Variants in CNR2 observed in about 807,000 individuals in gnomAD.
The protein encoded by CNR2 is cannabinoid receptor 2 (macrophage).
For synonymous variants in CNR2, 172 were observed against 182.2 expected (o/e 0.94, Z 0.45); for missense variants, 379 against 439.9 (o/e 0.86, Z 1.24).
At position 23,874,111 on chromosome 1, in the gene CNR2, G is replaced by A. The variant is rs992070816; in HGVS notation, c.*424C>T. On this transcript the variant is annotated 3_prime_UTR_variant, in exon 2 of 2. Coordinates refer to ENST00000374472, the MANE Select transcript of CNR2 (RefSeq NM_001841.3). ...AGAGCCAAGGAGGCCTTGACAATTA[G>A]GCAGAGAGAAGACCTGGATGTCCAT... 1 of 172,434 alleles carries A rather than the reference G, an allele frequency of 5.8e-6. No homozygotes were observed. The highest frequency in any genetic ancestry group is 1.3e-5 in the Non-Finnish European group (1 of 78,460). 10.7% of individuals were successfully genotyped at this position (172,434 alleles called of 1,614,324 possible). A position where few individuals can be genotyped will look rare whatever the true frequency, so the allele number is the denominator to read the frequency against.
intron 1 of CNR2, among the ~76,000 whole-genome samples, chr1:23,888,751 A>G (rs1640134676): frequency 6.6e-6 from 1 of 152,122 alleles, no homozygotes; most frequent in South Asian, 2.1e-4. Context: ...AGGGCAGATC[A>G]CTTGAGGTCA....
Position 23,874,473 on chromosome 1 carries a change from T to C in CNR2, c.*62A>G. 6.5e-7 allele frequency: 1 copy of C among 1,527,654 alleles called. No individual in the cohort carries two copies. The highest frequency in any genetic ancestry group is 1.9e-5 in the Admixed American group (1 of 51,510). The allele number at this position is 1,527,654 out of a possible 1,614,324, so 94.6% of individuals were successfully genotyped here. A position where few individuals can be genotyped will look rare whatever the true frequency, so the allele number is the denominator to read the frequency against. Reference sequence around the variant, plus strand: ...TAAGAAGAGAGTGCCAAGACCCCTCTCTCTCTTCCAGGGAGTGAACTGATT... The same window carrying C: ...TAAGAAGAGAGTGCCAAGACCCCTCCCTCTCTTCCAGGGAGTGAACTGATT... On this transcript the variant is annotated 3_prime_UTR_variant, in exon 2 of 2. Coordinates refer to ENST00000374472, the MANE Select transcript of CNR2 (RefSeq NM_001841.3).
intron 1 of CNR2, among the ~76,000 whole-genome samples, chr1:23,897,550 A>G (rs1031558186): frequency 6.6e-6 from 1 of 150,758 alleles, no homozygotes; most frequent in Non-Finnish European, 1.5e-5. Flanking sequence ...TCTCGGTTCA[A>G]TGCAAACTCT....
chr1:23,901,471 T>C, intron 1 of CNR2: 1 of 1,548,838 alleles, frequency 6.5e-7, no homozygotes, highest in Non-Finnish European at 8.7e-7. Flanking sequence ...CCCGGGCACC[T>C]CAGGCATAGA....
intron 1 of CNR2, among the ~76,000 whole-genome samples, chr1:23,906,085 T>C (rs1044393795): frequency 2.2e-4 from 33 of 148,778 alleles, no homozygotes; most frequent in African/African-American, 7.7e-4. Flanking sequence ...AAGGAGGAAA[T>C]AGGTAGACAG....
chr1:23,901,050 T>C (rs1032967177), intron 1 of CNR2, among the ~76,000 whole-genome samples: 6 of 150,020 alleles, frequency 4.0e-5, no homozygotes, highest in African/African-American at 1.5e-4. Flanking sequence ...CTTTTTTTAA[T>C]TGTAGGCAAC....
intron 1 of CNR2, among the ~76,000 whole-genome samples, chr1:23,899,660 C>A (rs1640348165): frequency 6.7e-6 from 1 of 148,494 alleles, no homozygotes; most frequent in Non-Finnish European, 1.5e-5. Context: ...ACTAAAAATA[C>A]AAAAGTTAGC....
At chr1:23,880,281 C>A (rs1462397047) in intron 1 of CNR2, among the ~76,000 whole-genome samples, 2 of 150,632 alleles carry the variant, frequency 1.3e-5, no homozygotes, top group Non-Finnish European at 2.9e-5. Flanking sequence ...AGGTTGAAGC[C>A]TTTCTCTTGC....
intron 1 of CNR2, among the ~76,000 whole-genome samples, chr1:23,909,154 T>C (rs1403919851): frequency 2.0e-5 from 3 of 152,088 alleles, no homozygotes; most frequent in African/African-American, 4.8e-5. Context: ...TGCTGGGGAA[T>C]CCTTCCCTCC....
At chr1:23,884,840 G>A (rs4498749) in intron 1 of CNR2, among the ~76,000 whole-genome samples, 109,974 of 151,038 alleles carry the variant, frequency 0.73, 40,720 homozygotes, top group Middle Eastern at 0.8. Flanking sequence ...TCACTCTGTC[G>A]CCCAGGCTGG....
At chr1:23,894,716 C>T (rs1204821299) in intron 1 of CNR2, among the ~76,000 whole-genome samples, 1 of 148,246 alleles carries the variant, frequency 6.7e-6, no homozygotes, top group Non-Finnish European at 1.5e-5. Context: ...CAGTGAGCCA[C>T]GATCCTGCCA....
At chr1:23,883,582 T>C (rs58748639) in intron 1 of CNR2, among the ~76,000 whole-genome samples, 2,327 of 152,292 alleles carry the variant, frequency 0.015, 78 homozygotes, top group African/African-American at 0.053. Flanking sequence ...CCTAGCACTT[T>C]GGGAGGCCGA....
At position 23,898,545 on chromosome 1, in the gene CNR2, G is replaced by T. The variant is rs1640329127; in HGVS notation, c.-46+14701C>A. On this transcript the variant is annotated intron_variant, in intron 1 of 1. Coordinates refer to ENST00000374472, the MANE Select transcript of CNR2 (RefSeq NM_001841.3). ...TTTAGTAGAGACGGGGTTTCACCGA[G>T]TTAACCAGGATGGTCTCGATCCCCT... 2.0e-5 allele frequency among the ~76,000 whole-genome samples: 3 copies of T among 147,036 alleles called. No homozygotes were observed. The South Asian group carries it at 6.5e-4, about 32-fold the overall frequency.
At chr1:23,892,088 A>G (rs991356396) in intron 1 of CNR2, among the ~76,000 whole-genome samples, 1 of 152,086 alleles carries the variant, frequency 6.6e-6, no homozygotes, top group Non-Finnish European at 1.5e-5. Flanking sequence ...TTCTCACCCT[A>G]GTGTTCCTGG....
Position 23,875,463 on chromosome 1 carries a change from A to T in CNR2, c.155T>A (p.Val52Glu). The T allele has an allele frequency of 6.2e-7, 1 of 1,614,210 alleles. No individual in the cohort carries two copies. Among genetic ancestry groups the T allele is most frequent in the Non-Finnish European group, 8.5e-7 (1 of 1,180,030 alleles). The change falls in exon 2 of 2, where the codon GTG (valine) becomes GAG (glutamate). Residue 52 changes from valine (V) to glutamate (E), a missense_variant. Transcript: ENST00000374472. The stretch of plus-strand genomic sequence containing the variant: ...GGACAGGATCAGATAGAGCACAGCC[A>T]CGTTCTCCAGGGCACTTAGCAGGCC... ...LLGLLSALEN[V>E]AVLYLILSSH... is the part of the protein sequence containing the mutation.
rs563404731 is a variant in CNR2, at chr1:23,890,669, C to T, written c.-45-15007G>A. ...CTGAGGCAAGAGAATTGCTTGAATCCGGGAGGCGAAGTTTGCAGTGAGCCG... is the reference window on the plus strand; with the variant it reads ...CTGAGGCAAGAGAATTGCTTGAATCTGGGAGGCGAAGTTTGCAGTGAGCCG... On this transcript the variant is annotated intron_variant, in intron 1 of 1. Transcript: ENST00000374472. 2.7e-4 allele frequency among the ~76,000 whole-genome samples: 41 copies of T among 151,434 alleles called. 1 individual carries two copies. Among genetic ancestry groups the T allele is most frequent in the Admixed American group, 7.2e-4 (11 of 15,218 alleles).
At chr1:23,885,651 AGGTG>A (rs1167688801) in intron 1 of CNR2, among the ~76,000 whole-genome samples, 4 of 151,618 alleles carry the variant, frequency 2.6e-5, no homozygotes, top group African/African-American at 9.7e-5. Flanking sequence ...AGGCTGAAGC[AGGTG>A]GATCACGAGA....
At chr1:23,880,093 C>T (rs781213389) in intron 1 of CNR2, among the ~76,000 whole-genome samples, 5 of 152,036 alleles carry the variant, frequency 3.3e-5, no homozygotes, top group Non-Finnish European at 5.9e-5. Context: ...CTTGCTCTCA[C>T]CTTGTTTAAG....
At chr1:23,910,122 ATTTTTTTTTT>A (rs34885370) in intron 1 of CNR2, among the ~76,000 whole-genome samples, 4 of 120,304 alleles carry the variant, frequency 3.3e-5, no homozygotes, top group South Asian at 2.6e-4. Context: ...CTAATTTTTA[ATTTTTTTTTT>A]TTTTTTTTTG....
Sources: gnomAD v4.1 joint callset for allele counts (sites outside exome capture counted in the v4.1 genomes callset) on GRCh38, gnomAD v4.1.1 for gene constraint, MANE v1.5 for transcripts, NCBI Gene and HGNC (gene_info 2026-07-23, HGNC 2026-07-21) for gene names.